The following TPRG1 variants were observed in gnomAD, a reference collection of about 807,000 sequenced individuals.
TPRG1 encodes the protein tumor protein p63 regulated 1, also known as tumor protein p63-regulated gene 1 protein.
A neutral mutation model predicts 29.3 loss-of-function variants in TPRG1; 29 were observed. The observed-to-expected ratio is 0.99, with a 90% CI of 0.74 to 1.35. The LOEUF (loss-of-function observed/expected upper bound fraction) is 1.35, where lower values mean the gene tolerates loss of function less well. TPRG1 is among the 40% of genes most tolerant of loss of function. The pLI, the probability that TPRG1 is intolerant of heterozygous loss-of-function variation, is 0.00. For synonymous variants in TPRG1, 130 were observed against 116.8 expected (o/e 1.11, Z -0.73); for missense variants, 327 against 335.0 (o/e 0.98, Z 0.19).
chr3:189,153,503 T>C (rs1311041615), intron 5 of TPRG1, among the ~76,000 whole-genome samples: 1 of 152,012 alleles, frequency 6.6e-6, no homozygotes, highest in East Asian at 1.9e-4. Context: ...CTTGGATTTG[T>C]GGCCCCTGCA....
chr3:189,054,226 G>A (rs1455217011), intron 4 of TPRG1, among the ~76,000 whole-genome samples: 1 of 152,056 alleles, frequency 6.6e-6, no homozygotes, highest in Admixed American at 6.5e-5. Context: ...GAGTCCTAAG[G>A]AGACAGAGAA....
At chr3:189,034,813 C>G (rs1429940654) in intron 4 of TPRG1, among the ~76,000 whole-genome samples, 4 of 152,098 alleles carry the variant, frequency 2.6e-5, no homozygotes, top group Non-Finnish European at 5.9e-5. Context: ...GAAAAACATT[C>G]CATGCTCATT....
chr3:189,175,329 C>T (rs1257966940), intron 1 of TPRG1, among the ~76,000 whole-genome samples: 1 of 152,072 alleles, frequency 6.6e-6, no homozygotes, highest in Non-Finnish European at 1.5e-5. Flanking sequence ...AAGTAAACTC[C>T]CAAGTCAATA....
At chr3:189,245,305 A>T (rs1211040619) in intron 4 of TPRG1, among the ~76,000 whole-genome samples, 2 of 152,042 alleles carry the variant, frequency 1.3e-5, no homozygotes, top group African/African-American at 4.8e-5. Context: ...GTGCAGCCCA[A>T]GGTTATTGAT....
chr3:189,222,128 A>G (rs1737035584), intron 3 of TPRG1, among the ~76,000 whole-genome samples: 1 of 152,070 alleles, frequency 6.6e-6, no homozygotes, highest in East Asian at 1.9e-4. Flanking sequence ...TCCTCTCCAG[A>G]TCTTTCTCTG....
intron 1 of TPRG1, among the ~76,000 whole-genome samples, chr3:188,997,997 C>A (rs1203895998): frequency 6.6e-6 from 1 of 152,074 alleles, no homozygotes; most frequent in Non-Finnish European, 1.5e-5. Flanking sequence ...TTCATTCATT[C>A]ATTCATTCAT....
chr3:189,052,546 A>G (rs1715391595), intron 4 of TPRG1, among the ~76,000 whole-genome samples: 1 of 152,218 alleles, frequency 6.6e-6, no homozygotes. Flanking sequence ...TTCCTTAAAT[A>G]ACTGAAAGTA....
At chr3:189,280,968 C>T (rs1717034727) in intron 4 of TPRG1, among the ~76,000 whole-genome samples, 1 of 152,084 alleles carries the variant, frequency 6.6e-6, no homozygotes, top group Admixed American at 6.5e-5. Context: ...GTCTGCAGCC[C>T]CAGGAGAAGA....
chr3:189,315,518 A>G (rs1262938662), intron 5 of TPRG1: 1 of 455,948 alleles, frequency 2.2e-6, no homozygotes, highest in East Asian at 7.0e-5. Flanking sequence ...GCTGGGAAGG[A>G]TGAGTACTGA....
intron 5 of TPRG1, among the ~76,000 whole-genome samples, chr3:189,166,635 C>T (rs973711034): frequency 1.3e-5 from 2 of 152,142 alleles, no homozygotes; most frequent in Non-Finnish European, 2.9e-5. Context: ...GGTGTCTCAG[C>T]GTTTCAAAAG....
intron 3 of TPRG1, among the ~76,000 whole-genome samples, chr3:189,234,972 T>A (rs1739229223): frequency 6.6e-6 from 1 of 151,998 alleles, no homozygotes; most frequent in Admixed American, 6.6e-5. Flanking sequence ...ATGAACAACA[T>A]TGCCAGCAGA....
At chr3:189,203,224 T>C (rs1007555499) in intron 1 of TPRG1, among the ~76,000 whole-genome samples, 13 of 152,204 alleles carry the variant, frequency 8.5e-5, no homozygotes, top group African/African-American at 3.1e-4. Context: ...ATAAGTTATT[T>C]ACTATAATAC....
chr3:189,142,404 G>T (rs1359585874), intron 3 of TPRG1, among the ~76,000 whole-genome samples: 1 of 152,124 alleles, frequency 6.6e-6, no homozygotes, highest in Non-Finnish European at 1.5e-5. Context: ...TGAGTAAGGA[G>T]AGGGTAGAGG....
At chr3:189,196,339 G>A (rs73184443) in intron 1 of TPRG1, among the ~76,000 whole-genome samples, 10,597 of 152,156 alleles carry the variant, frequency 0.07, 441 homozygotes, top group East Asian at 0.16. Context: ...TCTTGACTTC[G>A]GTAATTATTT....
At chr3:189,038,630 A>G (rs919802490) in intron 4 of TPRG1, among the ~76,000 whole-genome samples, 4 of 152,160 alleles carry the variant, frequency 2.6e-5, no homozygotes, top group Admixed American at 1.3e-4. Flanking sequence ...GATCTGATAC[A>G]TAATAATTAT....
At chr3:189,255,712 G>T (rs1408301868) in intron 4 of TPRG1, among the ~76,000 whole-genome samples, 2 of 152,136 alleles carry the variant, frequency 1.3e-5, no homozygotes, top group Non-Finnish European at 2.9e-5. Context: ...CTTGTTATTG[G>T]TCTATTCAGG....
intron 4 of TPRG1, among the ~76,000 whole-genome samples, chr3:189,278,191 G>A (rs955848760): frequency 1.3e-5 from 2 of 152,132 alleles, no homozygotes; most frequent in African/African-American, 4.8e-5. Context: ...TTCTGCCTTT[G>A]TAGAGTTAAA....
chr3:188,998,872 C>T (rs1376360876), intron 1 of TPRG1, among the ~76,000 whole-genome samples: 1 of 152,060 alleles, frequency 6.6e-6, no homozygotes, highest in Non-Finnish European at 1.5e-5. Context: ...TGTAATTGGA[C>T]TGAAGGAACT....
chr3:189,274,236 A>T (rs1715714551), intron 4 of TPRG1, among the ~76,000 whole-genome samples: 1 of 152,124 alleles, frequency 6.6e-6, no homozygotes, highest in African/African-American at 2.4e-5. Flanking sequence ...CTAAGCTCTG[A>T]TAATTTTCTT....
Sources: gnomAD v4.1 joint callset for allele counts (sites outside exome capture counted in the v4.1 genomes callset) on GRCh38, gnomAD v4.1.1 for gene constraint, MANE v1.5 for transcripts, NCBI Gene and HGNC (gene_info 2026-07-23, HGNC 2026-07-21) for gene names.